ABI1: variants seen among roughly 807,000 people sequenced by gnomAD.
ABI1 encodes Abelson interactor 1.
A neutral mutation model predicts 54.6 loss-of-function variants in ABI1; 14 were observed. The ratio of observed to expected loss-of-function variants is 0.26; its 90% CI spans 0.17 to 0.40. The LOEUF (loss-of-function observed/expected upper bound fraction) is 0.40, where lower values mean the gene tolerates loss of function less well. Among genes scored for constraint, ABI1 ranks in the 10% least tolerant of loss-of-function variants. The pLI, the probability that ABI1 is intolerant of heterozygous loss-of-function variation, is 1.00. For missense variants in ABI1, 443 were observed against 598.3 expected, an observed-to-expected ratio of 0.74 and a Z score of 2.71; for synonymous variants, 194 against 209.3, an observed-to-expected ratio of 0.93 and a Z score of 0.63.
chr10:26,821,388 T>C (rs975057619), intron 2 of ABI1, among the ~76,000 whole-genome samples: 1 of 151,776 alleles, frequency 6.6e-6, no homozygotes, highest in Non-Finnish European at 1.5e-5. Flanking sequence ...GTTTTTAATA[T>C]CGATAAAGTT....
chr10:26,855,300 C>T (rs372137491), intron 1 of ABI1, among the ~76,000 whole-genome samples: 5 of 152,184 alleles, frequency 3.3e-5, no homozygotes, highest in African/African-American at 1.2e-4. Context: ...GGTTCCCAGG[C>T]TTGCCCAATA....
chr10:26,813,441 C>T (rs1013277225), intron 2 of ABI1, among the ~76,000 whole-genome samples: 4 of 152,110 alleles, frequency 2.6e-5, no homozygotes, highest in Non-Finnish European at 5.9e-5. Context: ...AAAGAAACTA[C>T]AGGTGGGGAT....
At chr10:26,770,409 A>G in intron 4 of ABI1, 64 bp from the exon 5 acceptor site, 1 of 1,413,220 alleles carries the variant, frequency 7.1e-7, no homozygotes. Flanking sequence ...TTTTAACACC[A>G]TGTATTATTT....
intron 2 of ABI1, among the ~76,000 whole-genome samples, chr10:26,793,243 A>C (rs891853887): frequency 6.6e-6 from 1 of 152,346 alleles, no homozygotes; most frequent in East Asian, 1.9e-4. Flanking sequence ...GCACAGAGGA[A>C]GCCTTCAGCC....
intron 2 of ABI1, among the ~76,000 whole-genome samples, chr10:26,820,472 A>G (rs2047897230): frequency 6.6e-6 from 1 of 152,194 alleles, no homozygotes; most frequent in South Asian, 2.1e-4. Context: ...ACTAAGCAAC[A>G]CATTTCCAAT....
intron 1 of ABI1, among the ~76,000 whole-genome samples, chr10:26,852,305 C>A (rs890397935): frequency 2.6e-5 from 4 of 151,984 alleles, no homozygotes; most frequent in African/African-American, 9.7e-5. Context: ...CATGGAGAAA[C>A]CCTGTCTCTA....
intron 1 of ABI1, among the ~76,000 whole-genome samples, chr10:26,840,569 A>T (rs758841806): frequency 1.4e-4 from 22 of 152,202 alleles, no homozygotes; most frequent in Non-Finnish European, 2.8e-4. Flanking sequence ...CAGGACCAGT[A>T]TGACACTACC....
At chr10:26,750,872 TTA>T (rs951977081) in intron 10 of ABI1, among the ~76,000 whole-genome samples, 2 of 152,178 alleles carry the variant, frequency 1.3e-5, no homozygotes, top group African/African-American at 4.8e-5. Context: ...AAATTAGACT[TTA>T]GAGTAGTTCA....
intron 2 of ABI1, among the ~76,000 whole-genome samples, chr10:26,795,505 G>A (rs992360725): frequency 9.9e-5 from 15 of 151,984 alleles, no homozygotes; most frequent in African/African-American, 3.6e-4. Flanking sequence ...AAACCCCAAA[G>A]ATCCCACAGA....
intron 1 of ABI1, among the ~76,000 whole-genome samples, chr10:26,848,536 T>C (rs1026688011): frequency 5.3e-5 from 8 of 151,652 alleles, no homozygotes; most frequent in Admixed American, 4.6e-4. Flanking sequence ...AAAGGTGAAT[T>C]GTACAGAGCA....
chr10:26,830,642 C>A (rs201635035), intron 1 of ABI1, among the ~76,000 whole-genome samples: 2,961 of 135,282 alleles, frequency 0.022, 177 homozygotes, highest in South Asian at 0.2. Flanking sequence ...AAAAAAAAAA[C>A]AAAACTACCA....
intron 3 of ABI1, 146 bp downstream of exon 3, chr10:26,776,919 G>C (rs993894073): frequency 4.1e-6 from 3 of 733,604 alleles, no homozygotes; most frequent in Non-Finnish European, 4.1e-6. Flanking sequence ...CCCAACCTTA[G>C]TAAAATTCAT....
chr10:26,746,694 A>AATT lies in ABI1; in HGVS notation c.*1873_*1875dup. ...CTGAATCTGTCATTCTAGTCCTATA[A>AATT]ATTATAATCAAGGTATCTTGATGGT... On this transcript the variant is annotated 3_prime_UTR_variant, in exon 11 of 11. Coordinates refer to ENST00000376140, the MANE Select transcript of ABI1 (RefSeq NM_001012750.3). The AATT allele has an allele frequency of 1.9e-6, 1 of 529,668 alleles. No individual in the cohort carries two copies. Among genetic ancestry groups the AATT allele is most frequent in the Non-Finnish European group, 3.4e-6 (1 of 294,844 alleles). The allele number at this position is 529,668 out of a possible 1,614,324, so 32.8% of individuals were successfully genotyped here. A position where few individuals can be genotyped will look rare whatever the true frequency, so the allele number is the denominator to read the frequency against.
rs1164854399 is a variant in ABI1, at chr10:26,761,617, CATATATATATATATAT to C, written c.821-2395_821-2380del. Among the ~76,000 whole-genome samples, 460 of 49,834 alleles carry C rather than the reference CATATATATATATATAT, an allele frequency of 9.2e-3. 12 individuals are homozygous for C. The highest frequency in any genetic ancestry group is 0.019 in the Admixed American group (75 of 4,004). 32.7% of individuals were successfully genotyped at this position (49,834 alleles called of 152,430 possible). ...TCTTTCTTCTGTAAATAGTTTTTGT[CATATATATATATATAT>C]ATATATATATATATATATATATATA... On this transcript the variant is annotated intron_variant, in intron 7 of 10. Transcript: ENST00000376140.
At chr10:26,857,339 A>C (rs971318088) in intron 1 of ABI1, among the ~76,000 whole-genome samples, 13 of 84,218 alleles carry the variant, frequency 1.5e-4, no homozygotes, top group African/African-American at 7.5e-4. Context: ...AAAAAAAAAA[A>C]AAAAAAAAAA....
At chr10:26,838,582 G>C (rs76469503) in intron 1 of ABI1, among the ~76,000 whole-genome samples, 1 of 152,060 alleles carries the variant, frequency 6.6e-6, no homozygotes, top group Admixed American at 6.6e-5. Flanking sequence ...AAGTCTAGTG[G>C]GGAAACACTA....
At chr10:26,798,684 T>C (rs2046357395) in intron 2 of ABI1, among the ~76,000 whole-genome samples, 1 of 151,854 alleles carries the variant, frequency 6.6e-6, no homozygotes, top group African/African-American at 2.4e-5. Flanking sequence ...TGAGGTGGGG[T>C]TGGGGAATGT....
At chr10:26,839,012 T>C (rs1468406326) in intron 1 of ABI1, among the ~76,000 whole-genome samples, 1 of 152,236 alleles carries the variant, frequency 6.6e-6, no homozygotes, top group African/African-American at 2.4e-5. Context: ...TTTAATTCAC[T>C]GGGAGGGTAA....
chr10:26,840,381 T>C (rs546437194), intron 1 of ABI1, among the ~76,000 whole-genome samples: 31 of 152,350 alleles, frequency 2.0e-4, no homozygotes, highest in African/African-American at 6.3e-4. Context: ...GGCACCATGC[T>C]TCTTATACGG....
Sources: allele counts gnomAD v4.1 joint callset (sites outside exome capture counted in the v4.1 genomes callset), GRCh38; gene constraint gnomAD v4.1.1; transcripts MANE v1.5; gene names NCBI Gene and HGNC (gene_info 2026-07-23, HGNC 2026-07-21).